PSD3: variants seen among roughly 807,000 people sequenced by gnomAD.
The protein encoded by PSD3 is PH and SEC7 domain-containing protein 3.
PSD3 carries 49 observed loss-of-function variants against 105.5 expected under a neutral mutation model. The observed-to-expected ratio is 0.46, with a 90% CI of 0.37 to 0.59. PSD3 has a LOEUF of 0.59. Ranked by LOEUF, PSD3 falls within the 20% of genes least tolerant of loss-of-function variation. PSD3 has a pLI of 0.00. For missense variants in PSD3, 1,561 were observed against 1,263.8 expected, an observed-to-expected ratio of 1.24 and a Z score of -3.57; for synonymous variants, 557 against 457.8, an observed-to-expected ratio of 1.22 and a Z score of -2.77.
At chr8:18,970,978 CAAG>C (rs1563475415) in intron 1 of PSD3, among the ~76,000 whole-genome samples, 1 of 115,600 alleles carries the variant, frequency 8.7e-6, no homozygotes, top group East Asian at 2.7e-4. Flanking sequence ...GACTCTGTCT[CAAG>C]AAAAAAAAAA....
chr8:18,625,744 G>C (rs1206570681), intron 11 of PSD3, among the ~76,000 whole-genome samples: 1 of 152,030 alleles, frequency 6.6e-6, no homozygotes, highest in Non-Finnish European at 1.5e-5. Context: ...TACATCCTTG[G>C]TTAAGATGCT....
rs562561389 is a variant in PSD3 at position 18,649,276 on chromosome 8, A to T, written c.2216+6366T>A. ...AAAGCCACAGGGGCAGAGCTGCCCA[A>T]GGCCTTGGGAGCCCACTCCTCACAC... is the stretch of plus-strand genomic sequence containing the variant. On this transcript the variant is annotated intron_variant, in intron 10 of 15. Coordinates refer to ENST00000327040, the MANE Select transcript of PSD3 (RefSeq NM_015310.4). 3.9e-5 allele frequency among the ~76,000 whole-genome samples: 6 copies of T among 152,342 alleles called. No homozygotes were observed. In the South Asian group the frequency reaches 1.0e-3, roughly 26 times the overall value.
chr8:18,727,305 C>G (rs1413854262), intron 9 of PSD3, among the ~76,000 whole-genome samples: 1 of 144,664 alleles, frequency 6.9e-6, no homozygotes, highest in Admixed American at 7.1e-5. Context: ...CTACTGCACT[C>G]CAGCCCAGGA....
intron 1 of PSD3, among the ~76,000 whole-genome samples, chr8:18,972,715 A>G (rs1293172175): frequency 6.6e-6 from 1 of 152,230 alleles, no homozygotes; most frequent in Non-Finnish European, 1.5e-5. Flanking sequence ...TGTTTACACC[A>G]TGTAAGGACA....
chr8:18,890,586 C>T (rs1818723550), intron 2 of PSD3, among the ~76,000 whole-genome samples: 1 of 152,136 alleles, frequency 6.6e-6, no homozygotes, highest in African/African-American at 2.4e-5. Context: ...ATACATACGA[C>T]CCTCCCGGTA....
At position 18,872,008 on chromosome 8, in the gene PSD3, G is replaced by C. The variant is rs781370658; in HGVS notation, c.856C>G (p.Arg286Gly). 2 of 1,614,048 alleles carry C rather than the reference G, an allele frequency of 1.2e-6. No homozygotes were observed. Among genetic ancestry groups the C allele is most frequent in the East Asian group, 4.5e-5 (2 of 44,860 alleles). The change falls in exon 3 of 16, where the codon CGA becomes GGA. Residue 286 changes from arginine (R) to glycine (G), a missense_variant. Transcript: ENST00000327040. ...LGREHPGGCD[R>G]SSSMGRPGRV... Reference sequence around the variant, plus strand: ...CCTGGGCGTCCCATGGAGCTGCTTCGATCACATCCCCCTGGGTGCTCTCTC... The same window carrying C: ...CCTGGGCGTCCCATGGAGCTGCTTCCATCACATCCCCCTGGGTGCTCTCTC...
rs766307150 is a variant in PSD3, at chr8:18,535,880, C to T, written c.3007G>A (p.Ala1003Thr). ...CTCGAGTGCGACTTCTTCAGTCCTG[C>T]AGCCTCGCTTTCATCGTTACTCAGT... is the stretch of plus-strand genomic sequence containing the variant. ...ELLSNDESEAAGLKKSHSSPS... is the reference protein window; with the variant it reads ...ELLSNDESEATGLKKSHSSPS... Residue 1003 changes from alanine to threonine, a missense_variant, in exon 16 of 16, where the codon GCA becomes ACA. Ala to Thr is a moderately conservative substitution (Grantham distance 58, BLOSUM62 0). Transcript: ENST00000327040. 19 of 1,614,054 alleles carry T rather than the reference C, an allele frequency of 1.2e-5. No individual in the cohort carries two copies. In the East Asian group the frequency reaches 2.7e-4, roughly 23 times the overall value.
At chr8:18,849,948 G>A (rs1454444122) in intron 4 of PSD3, among the ~76,000 whole-genome samples, 3 of 152,182 alleles carry the variant, frequency 2.0e-5, no homozygotes, top group South Asian at 4.1e-4. Context: ...GAGCCTTCTG[G>A]TTAATCAGCT....
chr8:19,071,727 T>TTCC (rs1465329926), intron 1 of PSD3, among the ~76,000 whole-genome samples: 12 of 152,010 alleles, frequency 7.9e-5, no homozygotes, highest in Non-Finnish European at 1.8e-4. Flanking sequence ...CTTCTTCTTC[T>TTCC]TTTTATTTTT....
At chr8:18,780,132 G>A (rs901288225) in intron 8 of PSD3, among the ~76,000 whole-genome samples, 4 of 152,134 alleles carry the variant, frequency 2.6e-5, no homozygotes, top group African/African-American at 9.7e-5. Flanking sequence ...ATTTAGAATT[G>A]TTTAATCTTC....
intron 12 of PSD3, 30 bp downstream of exon 12, chr8:18,600,334 T>C (rs1267215955): frequency 3.2e-6 from 5 of 1,563,330 alleles, no homozygotes; most frequent in Non-Finnish European, 3.5e-6. Flanking sequence ...TCATCGAGTT[T>C]TGTGGATTTT....
chr8:18,985,641 C>T (rs558737261), intron 1 of PSD3, among the ~76,000 whole-genome samples: 1 of 152,146 alleles, frequency 6.6e-6, no homozygotes, highest in South Asian at 2.1e-4. Flanking sequence ...GAAATATGAG[C>T]TTTTTCAGTT....
intron 8 of PSD3, among the ~76,000 whole-genome samples, chr8:18,788,356 A>G (rs1003167743): frequency 1.3e-5 from 2 of 152,178 alleles, no homozygotes; most frequent in Non-Finnish European, 2.9e-5. Flanking sequence ...GCAGCCAGAA[A>G]CCGTATACAA....
At chr8:18,923,371 T>G (rs1008646269) in intron 2 of PSD3, among the ~76,000 whole-genome samples, 44 of 152,312 alleles carry the variant, frequency 2.9e-4, no homozygotes, top group African/African-American at 1.0e-3. Flanking sequence ...AGTTAATTCA[T>G]TAGCATACAA....
rs975706316 is a variant in PSD3, at chr8:18,740,587, G to T, written c.2172+24862C>A. Among the ~76,000 whole-genome samples the T allele has an allele frequency of 2.0e-5, 3 of 151,806 alleles. No homozygotes were observed. The East Asian group carries it at 5.8e-4, about 29-fold the overall frequency. On this transcript the variant is annotated intron_variant, in intron 9 of 15. Transcript: ENST00000327040. ...TTGAGCTTAACCTTGACAGCCCCTC[G>T]GTTTCATTACCTAATGATTTAGGAA...
intron 1 of PSD3, among the ~76,000 whole-genome samples, chr8:18,999,063 G>A (rs888874885): frequency 6.6e-6 from 1 of 151,936 alleles, no homozygotes; most frequent in Non-Finnish European, 1.5e-5. Flanking sequence ...TTATTCAGGA[G>A]GGAAGCAGCT....
chr8:18,618,822 G>A (rs1389306194), intron 11 of PSD3, among the ~76,000 whole-genome samples: 4 of 152,022 alleles, frequency 2.6e-5, no homozygotes, highest in Admixed American at 6.6e-5. Context: ...CTGGGTCTAG[G>A]GGCGTATGCT....
intron 8 of PSD3, 41 bp from the exon 9 acceptor site, chr8:18,765,579 G>T (rs1806913939): frequency 7.1e-7 from 1 of 1,399,104 alleles, no homozygotes; most frequent in Non-Finnish European, 1.0e-6. Flanking sequence ...GACATTCATG[G>T]AATTAAGACT....
chr8:18,748,660 CAAAA>C (rs760372508), intron 9 of PSD3, among the ~76,000 whole-genome samples: 6 of 54,734 alleles, frequency 1.1e-4, no homozygotes, highest in Non-Finnish European at 1.6e-4. Context: ...ACTCCGTCTC[CAAAA>C]AAAAAAAAAA....
Sources: allele counts gnomAD v4.1 joint callset (sites outside exome capture counted in the v4.1 genomes callset), GRCh38; gene constraint gnomAD v4.1.1; transcripts MANE v1.5; gene names NCBI Gene and HGNC (gene_info 2026-07-23, HGNC 2026-07-21).